Variants in CPT1A observed in about 807,000 individuals in gnomAD.
CPT1A encodes carnitine palmitoyltransferase 1A, also known as carnitine O-palmitoyltransferase 1, liver isoform.
A neutral mutation model predicts 100.8 loss-of-function variants in CPT1A; 64 were observed. The observed-to-expected ratio is 0.63, with a 90% CI of 0.52 to 0.78. The LOEUF (loss-of-function observed/expected upper bound fraction) is 0.78, where lower values mean the gene tolerates loss of function less well. Among genes scored for constraint, CPT1A ranks in the 30% least tolerant of loss-of-function variants. CPT1A has a pLI of 0.00. For synonymous variants in CPT1A, 363 were observed against 396.0 expected (o/e 0.92, Z 0.99); for missense variants, 802 against 1,034.1 (o/e 0.78, Z 3.08).
At position 68,780,967 on chromosome 11, in the gene CPT1A, C is replaced by T. The variant is rs892087255; in HGVS notation, c.1353-222G>A. Among the ~76,000 whole-genome samples the T allele has an allele frequency of 3.9e-5, 6 of 152,192 alleles. No homozygotes were observed. The South Asian group carries it at 8.3e-4, about 21-fold the overall frequency. ...CAGACACAAAGATGAGCGCTTATAT[C>T]CTGGCAGCCTGAAGTCAGGACCTGT... is the stretch of plus-strand genomic sequence containing the variant. On this transcript the variant is annotated intron_variant, in intron 11 of 18. Coordinates refer to ENST00000265641, the MANE Select transcript of CPT1A (RefSeq NM_001876.4).
intron 2 of CPT1A, among the ~76,000 whole-genome samples, chr11:68,814,271 A>T (rs1210529472): frequency 6.6e-6 from 1 of 152,070 alleles, no homozygotes; most frequent in Non-Finnish European, 1.5e-5. Context: ...GAACATGTGG[A>T]CTCAACTGTA....
intron 3 of CPT1A, among the ~76,000 whole-genome samples, chr11:68,810,558 C>T (rs1195117432): frequency 2.0e-5 from 3 of 152,170 alleles, no homozygotes; most frequent in Non-Finnish European, 4.4e-5. Flanking sequence ...CCAGGGGCTT[C>T]CTGGAGAAGG....
At chr11:68,801,786 T>A (rs10896368) in intron 5 of CPT1A, among the ~76,000 whole-genome samples, 14,317 of 152,036 alleles carry the variant, frequency 0.094, 682 homozygotes, top group Non-Finnish European at 0.1. Context: ...AAAGCACCCA[T>A]GCACTGCTGG....
chr11:68,802,733 C>CAA lies in CPT1A; in HGVS notation c.555+1265_555+1266dup, dbSNP rs796208737. On this transcript the variant is annotated intron_variant, in intron 5 of 18. Transcript: ENST00000265641. ...TGGGTGACAGAGCGAGATTCTGTCT[C>CAA]AAAAAAAAAAAAATATTGCCATATG... 3.7e-4 allele frequency among the ~76,000 whole-genome samples: 50 copies of CAA among 136,668 alleles called. No homozygotes were observed. The East Asian group carries it at 4.6e-3, about 13-fold the overall frequency. The allele number at this position is 136,668 out of a possible 152,430, so 89.7% of individuals were successfully genotyped here.
At position 68,841,011 on chromosome 11, in the gene CPT1A, C is replaced by T. The variant is rs1284572507; in HGVS notation, c.-14+764G>A. Among the ~76,000 whole-genome samples, 1 of 152,212 alleles carries T rather than the reference C, an allele frequency of 6.6e-6. No homozygotes were observed. The highest frequency in any genetic ancestry group is 1.5e-5 in the Non-Finnish European group (1 of 68,024). ...CCCAAGCAGGCACTGGGCCCGGCACCCTCATCCTGCTCACGGCAGCGCTCG... is the reference window on the plus strand; with the variant it reads ...CCCAAGCAGGCACTGGGCCCGGCACTCTCATCCTGCTCACGGCAGCGCTCG... On this transcript the variant is annotated intron_variant, in intron 1 of 18. Coordinates refer to ENST00000265641, the MANE Select transcript of CPT1A (RefSeq NM_001876.4). The surrounding 1 kb of genome is among the most constrained non-coding windows in gnomAD (Gnocchi z 6.3).
At chr11:68,815,750 G>A (rs1325468539) in intron 1 of CPT1A, among the ~76,000 whole-genome samples, 2 of 151,790 alleles carry the variant, frequency 1.3e-5, no homozygotes, top group African/African-American at 4.8e-5. Flanking sequence ...CCCTGGCCCT[G>A]GACATTCCCT....
Position 68,780,632 on chromosome 11 carries a change from A to T in CPT1A, c.1458+8T>A. The T allele has an allele frequency of 6.2e-7, 1 of 1,613,302 alleles. No individual in the cohort carries two copies. Among genetic ancestry groups the T allele is most frequent in the Non-Finnish European group, 8.5e-7 (1 of 1,179,184 alleles). On this transcript the variant is annotated splice_region_variant and intron_variant, in intron 12 of 18. Coordinates refer to ENST00000265641, the MANE Select transcript of CPT1A (RefSeq NM_001876.4). ...TTCCACATTCAAGTGAAAAGTGTGA[A>T]AACTCACCTCCCAAAGGTGGGCCAC... is the stretch of plus-strand genomic sequence containing the variant.
chr11:68,819,323 G>A (rs982090910), intron 1 of CPT1A, among the ~76,000 whole-genome samples: 2 of 151,898 alleles, frequency 1.3e-5, no homozygotes, highest in African/African-American at 2.4e-5. Flanking sequence ...CAAATGATCC[G>A]CCCACCTCGG....
chr11:68,793,615 G>A (rs565164954), intron 8 of CPT1A, among the ~76,000 whole-genome samples: 5 of 151,964 alleles, frequency 3.3e-5, no homozygotes, highest in South Asian at 4.2e-4. Context: ...GCATGGTGTC[G>A]GGTGCCTGTA....
intron 1 of CPT1A, among the ~76,000 whole-genome samples, chr11:68,821,063 C>T (rs898508269): frequency 2.6e-5 from 4 of 152,194 alleles, no homozygotes; most frequent in African/African-American, 9.6e-5. Context: ...GGTGCAATCT[C>T]GGGTTCAAGT....
At position 68,756,112 on chromosome 11, in the gene CPT1A, CAAA is replaced by C. The variant is rs35803657; in HGVS notation, c.*1529_*1531del. 1.9e-4 allele frequency: 16 copies of C among 82,054 alleles called. No individual in the cohort carries two copies. The highest frequency in any genetic ancestry group is 7.3e-4 in the African/African-American group (14 of 19,280). 5.1% of individuals were successfully genotyped at this position (82,054 alleles called of 1,614,324 possible). ...GGGCAACAAGAGTGAAACTCCATCT[CAAA>C]AAAAAAAAAAAAAAAAAAGGCACGT... On this transcript the variant is annotated 3_prime_UTR_variant, in exon 19 of 19. Coordinates refer to ENST00000265641, the MANE Select transcript of CPT1A (RefSeq NM_001876.4).
At chr11:68,835,239 G>T (rs1471475076) in intron 1 of CPT1A, among the ~76,000 whole-genome samples, 7 of 152,156 alleles carry the variant, frequency 4.6e-5, no homozygotes. Flanking sequence ...TGCCTGCCCT[G>T]CCTCTAGCCA....
upstream of CPT1A, chr11:68,841,983 G>T (rs1239800125): frequency 1.2e-5 from 12 of 985,014 alleles, no homozygotes; most frequent in African/African-American, 3.5e-5. The surrounding 1 kb of genome is among the most constrained non-coding windows in gnomAD (Gnocchi z 6.3). Flanking sequence ...GGCGGGCCCG[G>T]GGCCTCGGCG....
intron 18 of CPT1A, 50 bp from the exon 19 acceptor site, chr11:68,757,780 C>G (rs1032799102): frequency 1.4e-6 from 2 of 1,469,230 alleles, no homozygotes; most frequent in Admixed American, 3.3e-5. Flanking sequence ...TGGCCATCCC[C>G]ACATTTCAAG....
At chr11:68,799,456 A>T in intron 5 of CPT1A, 101 bp from the exon 6 acceptor site, 1 of 1,350,764 alleles carries the variant, frequency 7.4e-7, no homozygotes, top group Non-Finnish European at 1.0e-6. Context: ...TAACACATTG[A>T]AAAGGTTTTA....
chr11:68,795,142 G>T lies in CPT1A; in HGVS notation c.772-231C>A, dbSNP rs572815441. 4.6e-5 allele frequency among the ~76,000 whole-genome samples: 7 copies of T among 152,298 alleles called. No homozygotes were observed. In the South Asian group the frequency reaches 1.5e-3, roughly 32 times the overall value. ...CCTCTAAAACTTCTGCGCTATTAAAGATAACTATTTGCACCAAATACCCTC... is the reference window on the plus strand; with the variant it reads ...CCTCTAAAACTTCTGCGCTATTAAATATAACTATTTGCACCAAATACCCTC... On this transcript the variant is annotated intron_variant, in intron 7 of 18. Transcript: ENST00000265641.
chr11:68,807,656 G>A lies in CPT1A; in HGVS notation c.282-18C>T. 2 of 1,613,538 alleles carry A rather than the reference G, an allele frequency of 1.2e-6. No individual in the cohort carries two copies. Among genetic ancestry groups the A allele is most frequent in the African/African-American group, 2.7e-5 (2 of 75,046 alleles). ...TGCAGTTGCTGTGGAGACAGACCCA[G>A]ACAAGGGAGGCTGTGCGTGAGGCCA... On this transcript the variant is annotated intron_variant, in intron 3 of 18. Transcript: ENST00000265641.
At chr11:68,836,972 T>C (rs995515053) in intron 1 of CPT1A, among the ~76,000 whole-genome samples, 11 of 152,184 alleles carry the variant, frequency 7.2e-5, no homozygotes, top group Admixed American at 6.5e-4. Context: ...CAGGGATAAA[T>C]GCTTTTATAA....
At chr11:68,818,314 G>A (rs1856487929) in intron 1 of CPT1A, among the ~76,000 whole-genome samples, 1 of 152,170 alleles carries the variant, frequency 6.6e-6, no homozygotes, top group African/African-American at 2.4e-5. Context: ...GTCTCAGGGA[G>A]GGAAGGAGGC....
Sources: gnomAD v4.1 joint callset for allele counts (sites outside exome capture counted in the v4.1 genomes callset) on GRCh38, gnomAD v4.1.1 for gene constraint, Gnocchi (gnomAD v3.1) non-coding constraint, MANE v1.5 for transcripts, NCBI Gene and HGNC (gene_info 2026-07-23, HGNC 2026-07-21) for gene names.